Variants in WDR36 observed in about 807,000 individuals in gnomAD.
WDR36 encodes WD repeat-containing protein 36.
In WDR36, 63 loss-of-function variants were observed where a neutral mutation model predicts 112.7. That is an observed-to-expected ratio of 0.56 (90% CI 0.46 to 0.69). The LOEUF (loss-of-function observed/expected upper bound fraction) is 0.69. WDR36 is among the 30% of genes least tolerant of loss of function. WDR36 has a pLI of 0.00. For missense variants in WDR36, 1,226 were observed against 1,070.3 expected (o/e 1.15, Z -2.03); for synonymous variants, 410 against 362.2 (o/e 1.13, Z -1.50).
At chr5:111,122,124 G>A (rs1160534919) in intron 19 of WDR36, among the ~76,000 whole-genome samples, 5 of 152,258 alleles carry the variant, frequency 3.3e-5, no homozygotes, top group African/African-American at 7.2e-5. Context: ...CAGCATAAAG[G>A]TGTGCTGTCT....
Position 111,123,827 on chromosome 5 carries a change from C to T in WDR36, c.2171C>T (p.Pro724Leu), listed in dbSNP as rs772842979. Residue 724 changes from proline (P) to leucine (L), a missense_variant, in exon 20 of 23, where the codon CCA (proline) becomes CTA (leucine). Pro to Leu is a moderately conservative substitution (Grantham distance 98, BLOSUM62 -3). Transcript: ENST00000513710. Reference sequence around the variant, plus strand: ...CAGAAAAAGAATAAACCAAAGGAACCACCCAAAGTACCCAAATCAGCACCA... The same window carrying T: ...CAGAAAAAGAATAAACCAAAGGAACTACCCAAAGTACCCAAATCAGCACCA... ...VIKKKNKPKE[P>L]PKVPKSAPFF... 1.9e-6 allele frequency: 3 copies of T among 1,613,708 alleles called. No individual in the cohort carries two copies. Among genetic ancestry groups the T allele is most frequent in the East Asian group, 2.2e-5 (1 of 44,840 alleles).
At position 111,110,209 on chromosome 5, in the gene WDR36, T is replaced by C. The variant is rs1753298437; in HGVS notation, c.1347T>C (p.Cys449=). Residue 449 remains cysteine (C), a synonymous_variant, in exon 13 of 23, where the codon TGT becomes TGC. Transcript: ENST00000513710. ...TAAAGGCAGTGGATATAACTTCTTG[T>C]GGAAACTTTGCTGTAATTGGCCTCT... ...ITATAVDITS[C]GNFAVIGLSS... The C allele has an allele frequency of 1.9e-6, 3 of 1,610,666 alleles. No homozygotes were observed. Among genetic ancestry groups the C allele is most frequent in the Non-Finnish European group, 2.5e-6 (3 of 1,177,408 alleles).
intron 2 of WDR36, among the ~76,000 whole-genome samples, chr5:111,095,418 A>G (rs1360308539): frequency 1.3e-5 from 2 of 152,176 alleles, no homozygotes; most frequent in Non-Finnish European, 2.9e-5. Flanking sequence ...ATCTTTTGGT[A>G]GTATGCACTG....
At chr5:111,110,719 T>C in intron 13 of WDR36, 69 bp from the exon 14 acceptor site, 1 of 1,497,704 alleles carries the variant, frequency 6.7e-7, no homozygotes, top group Non-Finnish European at 9.2e-7. Context: ...AAGGAATCAC[T>C]GTGTGTATTG....
rs971680325 is a variant in WDR36, at chr5:111,103,707, C to A, written c.598-79C>A. On this transcript the variant is annotated intron_variant, in intron 6 of 22. Transcript: ENST00000513710. ...ACTTCATTATTTCTTTTGATAACAC[C>A]TAATAATGATGCGTATCATCAGGAT... The A allele has an allele frequency of 3.9e-6, 6 of 1,549,386 alleles. No individual in the cohort carries two copies. The East Asian group carries it at 1.1e-4, about 29-fold the overall frequency.
chr5:111,104,644 T>C, intron 8 of WDR36, 53 bp from the exon 9 acceptor site: 1 of 1,610,050 alleles, frequency 6.2e-7, no homozygotes, highest in South Asian at 1.1e-5. Flanking sequence ...ATTTGACTGC[T>C]TGCAGATCAG....
intron 1 of WDR36, among the ~76,000 whole-genome samples, chr5:111,092,951 T>G (rs945530388): frequency 6.6e-6 from 1 of 152,266 alleles, no homozygotes; most frequent in Non-Finnish European, 1.5e-5. Context: ...TCTTGCATTC[T>G]TAATGAGAGA....
intron 6 of WDR36, 81 bp from the exon 7 acceptor site, chr5:111,103,705 A>T (rs1283145629): frequency 1.3e-6 from 2 of 1,547,400 alleles, no homozygotes; most frequent in Non-Finnish European, 1.8e-6. Flanking sequence ...TTTTGATAAC[A>T]CCTAATAATG....
At chr5:111,098,158 CT>C (rs1040032864) in intron 3 of WDR36, among the ~76,000 whole-genome samples, 1 of 152,066 alleles carries the variant, frequency 6.6e-6, no homozygotes, top group African/African-American at 2.4e-5. Flanking sequence ...GTTACCACCC[CT>C]AAGGCCAAAG....
At chr5:111,120,939 A>G in intron 18 of WDR36, 57 bp from the exon 19 acceptor site, 2 of 1,436,802 alleles carry the variant, frequency 1.4e-6, no homozygotes, top group South Asian at 2.3e-5. Flanking sequence ...TTTGGAATGA[A>G]TTAAGTTGCT....
chr5:111,121,303 T>C (rs377615679), intron 19 of WDR36, among the ~76,000 whole-genome samples, 162 bp downstream of exon 19: 3 of 152,278 alleles, frequency 2.0e-5, no homozygotes, highest in East Asian at 1.9e-4. Context: ...TAATATGGTA[T>C]GATTATCACA....
At chr5:111,114,625 C>G (rs1034603751) in intron 16 of WDR36, among the ~76,000 whole-genome samples, 2 of 152,186 alleles carry the variant, frequency 1.3e-5, no homozygotes, top group Admixed American at 6.5e-5. Flanking sequence ...GAAGCAAAAT[C>G]GAATTTATTG....
chr5:111,104,580 G>A (rs1753187145), intron 8 of WDR36, 117 bp from the exon 9 acceptor site: 2 of 1,516,234 alleles, frequency 1.3e-6, no homozygotes, highest in Admixed American at 3.4e-5. Flanking sequence ...TGTAGCTCCA[G>A]AGTCAGTGGC....
intron 6 of WDR36, among the ~76,000 whole-genome samples, chr5:111,102,841 CT>C (rs375525194): frequency 1.3e-5 from 2 of 151,282 alleles, no homozygotes; most frequent in Admixed American, 6.6e-5. Flanking sequence ...GAAATAACTG[CT>C]TTTTTTTAAT....
intron 1 of WDR36, 100 bp downstream of exon 1, chr5:111,092,718 C>T: frequency 2.2e-6 from 3 of 1,341,816 alleles, no homozygotes; most frequent in Non-Finnish European, 1.0e-6. Flanking sequence ...TTACCACGGG[C>T]TTCCCTTCTT....
rs1753003986 is a variant in WDR36, at chr5:111,096,966, T to G, written c.191-113T>G. The G allele has an allele frequency of 1.1e-5, 8 of 705,482 alleles. No homozygotes were observed. The South Asian group carries it at 1.4e-4, about 12-fold the overall frequency. The allele number at this position is 705,482 out of a possible 1,614,324, so 43.7% of individuals were successfully genotyped here. A position where few individuals can be genotyped will look rare whatever the true frequency, so the allele number is the denominator to read the frequency against. On this transcript the variant is annotated intron_variant, in intron 2 of 22. Coordinates refer to ENST00000513710, the MANE Select transcript of WDR36 (RefSeq NM_139281.3). Reference sequence around the variant, plus strand: ...TATACACTGATTCTCAACTTTGATCTTTATTTATATATTTTTTTAAATTAT... The same window carrying G: ...TATACACTGATTCTCAACTTTGATCGTTATTTATATATTTTTTTAAATTAT...
At chr5:111,120,369 TAAC>T (rs1561709512) in intron 17 of WDR36, 124 bp from the exon 18 acceptor site, 15 of 753,022 alleles carry the variant, frequency 2.0e-5, no homozygotes, top group South Asian at 3.3e-5. Flanking sequence ...TTTAAATTGA[TAAC>T]AATCTATCTT....
chr5:111,108,191 A>G (rs1753257091), intron 12 of WDR36, among the ~76,000 whole-genome samples: 1 of 150,470 alleles, frequency 6.6e-6, no homozygotes, highest in Admixed American at 6.7e-5. Context: ...CTTTGGGTAC[A>G]TTTTTCCTAG....
At chr5:111,104,638 G>C in intron 8 of WDR36, 59 bp from the exon 9 acceptor site, 1 of 1,609,380 alleles carries the variant, frequency 6.2e-7, no homozygotes, top group Non-Finnish European at 8.5e-7. Flanking sequence ...GGGGTGATTT[G>C]ACTGCTTGCA....
Sources: gnomAD v4.1 joint callset for allele counts (sites outside exome capture counted in the v4.1 genomes callset) on GRCh38, gnomAD v4.1.1 for gene constraint, MANE v1.5 for transcripts, NCBI Gene and HGNC (gene_info 2026-07-23, HGNC 2026-07-21) for gene names.